The following HMGXB3 variants were observed in gnomAD, a reference collection of about 807,000 sequenced individuals.
HMGXB3 encodes HMG domain-containing protein 3.
A neutral mutation model predicts 121.5 loss-of-function variants in HMGXB3; 45 were observed. The ratio of observed to expected loss-of-function variants is 0.37; its 90% confidence interval spans 0.29 to 0.47. HMGXB3 has a LOEUF of 0.47. HMGXB3 is among the 20% of genes least tolerant of loss of function. The pLI is 0.99. For synonymous variants in HMGXB3, 590 were observed against 624.1 expected, an observed-to-expected ratio of 0.95 and a Z score of 0.81; for missense variants, 1,376 against 1,602.2, an observed-to-expected ratio of 0.86 and a Z score of 2.41.
intron 10 of HMGXB3, among the ~76,000 whole-genome samples, chr5:150,032,064 G>A (rs1270912476): frequency 6.6e-6 from 1 of 152,086 alleles, no homozygotes; most frequent in Non-Finnish European, 1.5e-5. Context: ...AGAGCTTTGA[G>A]CTTTAATAGT....
At chr5:150,015,926 A>G (rs1041830863) in intron 5 of HMGXB3, among the ~76,000 whole-genome samples, 1 of 152,182 alleles carries the variant, frequency 6.6e-6, no homozygotes, top group African/African-American at 2.4e-5. Context: ...TGTACACTTG[A>G]AGAGAATGCA....
chr5:150,048,302 C>A (rs1313134795), intron 17 of HMGXB3, among the ~76,000 whole-genome samples: 2 of 152,140 alleles, frequency 1.3e-5, no homozygotes, highest in Non-Finnish European at 2.9e-5. Context: ...GGTTTCTTTG[C>A]CCTGTAAAAA....
Position 150,052,139 on chromosome 5 carries a change from A to T in HMGXB3, c.3826A>T (p.Thr1276Ser). Residue 1276 changes from threonine (T) to serine (S), a missense_variant, in exon 20 of 20, where the codon ACA (threonine) becomes TCA (serine). By Grantham distance (58) the Thr-to-Ser change is moderately conservative. Coordinates refer to ENST00000502717, the MANE Select transcript of HMGXB3 (RefSeq NM_014983.3). ...LYRLGVAQIK[T>S]ETEEEGEEEE... is the part of the protein sequence containing the mutation. Reference sequence around the variant, plus strand: ...CCGCCTTGGGGTTGCTCAGATCAAGACAGAGACAGAGGAGGAGGGTGAGGA... The same window carrying T: ...CCGCCTTGGGGTTGCTCAGATCAAGTCAGAGACAGAGGAGGAGGGTGAGGA... The T allele has an allele frequency of 6.4e-7, 1 of 1,550,992 alleles. No individual in the cohort carries two copies. Among genetic ancestry groups the T allele is most frequent in the Non-Finnish European group, 8.7e-7 (1 of 1,146,630 alleles).
chr5:150,047,034 G>GCCACCACA (rs1232667987), intron 16 of HMGXB3, among the ~76,000 whole-genome samples: 3 of 150,176 alleles, frequency 2.0e-5, no homozygotes, highest in East Asian at 2.1e-4. Context: ...ATAGGCGCAC[G>GCCACCACA]CCACCACACC....
Position 150,052,105 on chromosome 5 carries a change from C to T in HMGXB3, c.3792C>T (p.Asp1264=), listed in dbSNP as rs1756923978. ...SCQPGEVVIR[D]TLYRLGVAQI... is the part of the protein sequence containing the mutation. ...AGCCTGGTGAGGTGGTCATTCGTGA[C>T]ACCCTCTACCGCCTTGGGGTTGCTC... is the stretch of plus-strand genomic sequence containing the variant. The change falls in exon 20 of 20, where the codon GAC becomes GAT. Residue 1264 remains aspartate, a synonymous_variant. Coordinates refer to ENST00000502717, the MANE Select transcript of HMGXB3 (RefSeq NM_014983.3). 4 of 1,551,772 alleles carry T rather than the reference C, an allele frequency of 2.6e-6. No individual in the cohort carries two copies. Among genetic ancestry groups the T allele is most frequent in the South Asian group, 2.4e-5 (2 of 84,060 alleles).
At chr5:150,011,190 G>A (rs1755827907) in intron 4 of HMGXB3, among the ~76,000 whole-genome samples, 1 of 152,110 alleles carries the variant, frequency 6.6e-6, no homozygotes. Context: ...GATGGGGTAG[G>A]AAGAAAAAAG....
chr5:150,050,244 T>C lies in HMGXB3; in HGVS notation c.3202-8T>C. The C allele has an allele frequency of 6.4e-7, 1 of 1,551,170 alleles. No homozygotes were observed. Among genetic ancestry groups the C allele is most frequent in the East Asian group, 2.4e-5 (1 of 40,924 alleles). On this transcript the variant is annotated splice_polypyrimidine_tract_variant and splice_region_variant and intron_variant, in intron 18 of 19. Coordinates refer to ENST00000502717, the MANE Select transcript of HMGXB3 (RefSeq NM_014983.3). ...TTAACCCTGCGCCCCCCACCCTTCA[T>C]CTCCCAGGTGGTCTGCGGCTCCAAG...
At chr5:150,013,704 C>T (rs1409285022) in intron 5 of HMGXB3, among the ~76,000 whole-genome samples, 1 of 152,176 alleles carries the variant, frequency 6.6e-6, no homozygotes, top group Non-Finnish European at 1.5e-5. Flanking sequence ...TAGGACTATT[C>T]AGACTGTCTC....
chr5:150,003,134 C>A (rs1180746694), intron 1 of HMGXB3, among the ~76,000 whole-genome samples: 1 of 152,144 alleles, frequency 6.6e-6, no homozygotes, highest in Non-Finnish European at 1.5e-5. Flanking sequence ...CAGAGTGAGA[C>A]CTTGTCTTAA....
chr5:150,052,144 G>A lies in HMGXB3; in HGVS notation c.3831G>A (p.Glu1277=), dbSNP rs1249804914. ...TTGGGGTTGCTCAGATCAAGACAGA[G>A]ACAGAGGAGGAGGGTGAGGAAGAGG... ...YRLGVAQIKT[E]TEEEGEEEEV... The change falls in exon 20 of 20, where the codon GAG becomes GAA. Residue 1277 remains glutamate (E), a synonymous_variant. Coordinates refer to ENST00000502717, the MANE Select transcript of HMGXB3 (RefSeq NM_014983.3). 1.9e-6 allele frequency: 3 copies of A among 1,550,394 alleles called. No individual in the cohort carries two copies. The highest frequency in any genetic ancestry group is 2.4e-5 in the East Asian group (1 of 40,894).
Position 150,044,819 on chromosome 5 carries a change from T to G in HMGXB3, c.2731-647T>G, listed in dbSNP as rs78432539. 4.0e-3 allele frequency among the ~76,000 whole-genome samples: 609 copies of G among 152,304 alleles called. 3 individuals are homozygous for G. The highest frequency in any genetic ancestry group is 0.013 in the African/African-American group (529 of 41,572). ...TCCGGGTCACGTTTTGAGAGCCATA[T>G]AAGAGGGCATTGCAAGAAGAAAAAT... On this transcript the variant is annotated intron_variant, in intron 15 of 19. Coordinates refer to ENST00000502717, the MANE Select transcript of HMGXB3 (RefSeq NM_014983.3).
At chr5:150,047,520 C>G (rs772477334) in intron 16 of HMGXB3, 104 bp from the exon 17 acceptor site, 106 of 1,366,272 alleles carry the variant, frequency 7.8e-5, no homozygotes, top group Non-Finnish European at 1.0e-4. Context: ...TGGGGGAGGG[C>G]TTGGTGCAGA....
At chr5:150,016,750 T>C (rs1372116030) in intron 5 of HMGXB3, among the ~76,000 whole-genome samples, 1 of 152,200 alleles carries the variant, frequency 6.6e-6, no homozygotes, top group East Asian at 1.9e-4. Context: ...ATATTTAATG[T>C]GATTATTGAT....
At chr5:150,035,963 G>A (rs995502749) in intron 11 of HMGXB3, among the ~76,000 whole-genome samples, 12 of 152,004 alleles carry the variant, frequency 7.9e-5, no homozygotes, top group Admixed American at 6.6e-4. Context: ...ATTGTGCTAA[G>A]TGCTTTACTT....
At chr5:150,047,443 A>C in intron 16 of HMGXB3, 181 bp from the exon 17 acceptor site, 1 of 636,848 alleles carries the variant, frequency 1.6e-6, no homozygotes, top group Non-Finnish European at 2.7e-6. Context: ...GCAGAAAGCC[A>C]GTTGTAATAG....
At chr5:150,045,833 A>C (rs1756742670) in intron 16 of HMGXB3, 148 bp downstream of exon 16, 1 of 660,262 alleles carries the variant, frequency 1.5e-6, no homozygotes, top group Non-Finnish European at 2.6e-6. Context: ...GCCCGTGTCA[A>C]AATCCCCTAG....
chr5:150,014,822 A>G (rs1755924123), intron 5 of HMGXB3: 2 of 446,640 alleles, frequency 4.5e-6, no homozygotes, highest in East Asian at 4.4e-5. Flanking sequence ...GTGGGGGAAC[A>G]TATTTCCCAG....
intron 7 of HMGXB3, 80 bp downstream of exon 7, chr5:150,024,760 G>A (rs1438178586): frequency 1.5e-5 from 18 of 1,200,212 alleles, no homozygotes; most frequent in Admixed American, 1.5e-4. Flanking sequence ...CAGCATGCCT[G>A]AGAGAGGCAG....
intron 15 of HMGXB3, among the ~76,000 whole-genome samples, chr5:150,045,206 C>CA (rs1201814486): frequency 6.6e-6 from 1 of 152,186 alleles, no homozygotes; most frequent in Non-Finnish European, 1.5e-5. Context: ...GGGAAAATGA[C>CA]ATAAACAAAG....
Sources: allele counts gnomAD v4.1 joint callset (sites outside exome capture counted in the v4.1 genomes callset), GRCh38; gene constraint gnomAD v4.1.1; transcripts MANE v1.5; gene names NCBI Gene and HGNC (gene_info 2026-07-23, HGNC 2026-07-21).